DTD1: variants seen among roughly 807,000 people sequenced by gnomAD.
DTD1 encodes the protein D-aminoacyl-tRNA deacylase 1, also known as D-tyrosyl-tRNA deacylase 1 homolog.
Under a neutral mutation model 25.6 loss-of-function variants are expected in DTD1, and 13 were observed. That is an observed-to-expected ratio of 0.51 (90% CI 0.33 to 0.81). DTD1 has a LOEUF of 0.81. Ranked by LOEUF, DTD1 falls within the 30% of genes least tolerant of loss-of-function variation. DTD1 has a pLI of 0.02. For synonymous variants in DTD1, 110 were observed against 103.6 expected (o/e 1.06, Z -0.37); for missense variants, 193 against 266.4 (o/e 0.72, Z 1.92).
rs2122321349 is a variant in DTD1 at position 18,632,355 on chromosome 20, A to G, written c.477+4122A>G. ...TGGCCCCCAGAAGCCTCAGACCCTG[A>G]ACATTGCACTGCGCTCTGCCCCTAG... On this transcript the variant is annotated intron_variant, in intron 4 of 5. Transcript: ENST00000377452. 3 of 985,420 alleles carry G rather than the reference A, an allele frequency of 3.0e-6. No homozygotes were observed. The South Asian group carries it at 1.4e-4, about 46-fold the overall frequency. The allele number at this position is 985,420 out of a possible 1,614,324, so 61.0% of individuals were successfully genotyped here. A position where few individuals can be genotyped will look rare whatever the true frequency, so the allele number is the denominator to read the frequency against.
At chr20:18,652,012 C>G (rs1568658999) in intron 4 of DTD1, among the ~76,000 whole-genome samples, 2 of 152,170 alleles carry the variant, frequency 1.3e-5, no homozygotes, top group Non-Finnish European at 2.9e-5. Context: ...ATTGGCAGTT[C>G]AAGCAGGCCA....
intron 4 of DTD1, among the ~76,000 whole-genome samples, chr20:18,687,961 T>A (rs1358487471): frequency 6.6e-6 from 1 of 152,240 alleles, no homozygotes; most frequent in East Asian, 1.9e-4. Context: ...AAGCAAGGTA[T>A]CATCGCATCC....
intron 3 of DTD1, among the ~76,000 whole-genome samples, chr20:18,625,104 C>G (rs1568650374): frequency 6.6e-6 from 1 of 152,226 alleles, no homozygotes; most frequent in Admixed American, 6.5e-5. Context: ...GTAGATACCA[C>G]CTCTGCGCTG....
At chr20:18,648,539 C>G (rs892817890) in intron 4 of DTD1, among the ~76,000 whole-genome samples, 2 of 152,066 alleles carry the variant, frequency 1.3e-5, no homozygotes, top group African/African-American at 4.8e-5. Context: ...TGAAAAATGC[C>G]AGACTCCTTG....
At chr20:18,719,099 A>G (rs142139286) in intron 4 of DTD1, among the ~76,000 whole-genome samples, 1 of 152,380 alleles carries the variant, frequency 6.6e-6, no homozygotes, top group Non-Finnish European at 1.5e-5. Flanking sequence ...TCAACTTACA[A>G]TGGGTTTACC....
chr20:18,656,485 G>A (rs2060892163), intron 4 of DTD1, among the ~76,000 whole-genome samples: 1 of 152,192 alleles, frequency 6.6e-6, no homozygotes, highest in Admixed American at 6.5e-5. Context: ...CAGAGGAACA[G>A]GGATCTGGAG....
At chr20:18,661,222 C>G (rs539130372) in intron 4 of DTD1, among the ~76,000 whole-genome samples, 1 of 152,262 alleles carries the variant, frequency 6.6e-6, no homozygotes, top group African/African-American at 2.4e-5. Flanking sequence ...TGTTTTTAAG[C>G]AGTTCTAGGA....
chr20:18,633,273 C>T (rs566550724), intron 4 of DTD1, among the ~76,000 whole-genome samples: 1 of 152,284 alleles, frequency 6.6e-6, no homozygotes, highest in East Asian at 1.9e-4. Flanking sequence ...GCTGTTGCCT[C>T]CTCTCCCTTG....
At chr20:18,687,436 A>G (rs959267114) in intron 4 of DTD1, among the ~76,000 whole-genome samples, 1 of 152,262 alleles carries the variant, frequency 6.6e-6, no homozygotes, top group Non-Finnish European at 1.5e-5. Context: ...GCCTTCTGAT[A>G]AAGGAGAAAT....
chr20:18,616,893 G>A (rs2060711109), intron 3 of DTD1, among the ~76,000 whole-genome samples: 1 of 152,212 alleles, frequency 6.6e-6, no homozygotes, highest in Non-Finnish European at 1.5e-5. Flanking sequence ...ATGCACAGTG[G>A]GTGCTTTGTG....
chr20:18,712,313 C>A (rs2061162460), intron 4 of DTD1, among the ~76,000 whole-genome samples: 1 of 139,380 alleles, frequency 7.2e-6, no homozygotes, highest in South Asian at 2.2e-4. Flanking sequence ...TAAACATTAG[C>A]AATTGTGTTT....
chr20:18,740,819 T>C (rs2061274839), intron 4 of DTD1, among the ~76,000 whole-genome samples: 1 of 152,188 alleles, frequency 6.6e-6, no homozygotes, highest in Admixed American at 6.5e-5. Flanking sequence ...TATACTGTCC[T>C]TATCATTTCA....
At chr20:18,751,934 C>T (rs1253230784) in intron 5 of DTD1, among the ~76,000 whole-genome samples, 1 of 151,598 alleles carries the variant, frequency 6.6e-6, no homozygotes, top group Non-Finnish European at 1.5e-5. Context: ...CCTAGAGGAG[C>T]AGCTTTGAGT....
At chr20:18,708,358 A>G (rs1424711553) in intron 4 of DTD1, among the ~76,000 whole-genome samples, 1 of 73,064 alleles carries the variant, frequency 1.4e-5, no homozygotes, top group East Asian at 3.0e-4. Flanking sequence ...ATATATCTAT[A>G]TATATATTTT....
chr20:18,662,216 T>G (rs1438638242), intron 4 of DTD1, among the ~76,000 whole-genome samples: 2 of 152,120 alleles, frequency 1.3e-5, no homozygotes. Flanking sequence ...AGTTACAAGC[T>G]CCCATGTTTT....
intron 4 of DTD1, among the ~76,000 whole-genome samples, chr20:18,710,718 A>C (rs528057754): frequency 6.6e-5 from 10 of 152,344 alleles, no homozygotes; most frequent in African/African-American, 2.2e-4. Flanking sequence ...CTCAGTCAAC[A>C]GCCCTTAAAT....
chr20:18,728,964 G>A (rs915293372), intron 4 of DTD1, among the ~76,000 whole-genome samples: 1 of 152,210 alleles, frequency 6.6e-6, no homozygotes, highest in Admixed American at 6.5e-5. Flanking sequence ...TGGGAGCTGG[G>A]CACAGCAGCT....
At chr20:18,640,097 A>T (rs188590069) in intron 4 of DTD1, among the ~76,000 whole-genome samples, 2 of 147,900 alleles carry the variant, frequency 1.4e-5, no homozygotes, top group Non-Finnish European at 1.5e-5. Context: ...GCCCCCCTTC[A>T]TTTTCTCTTG....
At chr20:18,689,432 A>G (rs2061033001) in intron 4 of DTD1, among the ~76,000 whole-genome samples, 2 of 152,176 alleles carry the variant, frequency 1.3e-5, no homozygotes, top group Admixed American at 6.6e-5. Flanking sequence ...AGAAAAAGGG[A>G]ATGAAATATA....
Sources: gnomAD v4.1 joint callset for allele counts (sites outside exome capture counted in the v4.1 genomes callset) on GRCh38, gnomAD v4.1.1 for gene constraint, MANE v1.5 for transcripts, NCBI Gene and HGNC (gene_info 2026-07-23, HGNC 2026-07-21) for gene names.